BRSK1: variants seen among roughly 807,000 people sequenced by gnomAD.
The protein encoded by BRSK1 is serine/threonine-protein kinase BRSK1.
Under a neutral mutation model 86.2 loss-of-function variants are expected in BRSK1, and 17 were observed. The ratio of observed to expected loss-of-function variants is 0.20; its 90% CI spans 0.14 to 0.30. The LOEUF (loss-of-function observed/expected upper bound fraction) is 0.30, where lower values mean the gene tolerates loss of function less well. BRSK1 is among the 10% of genes least tolerant of loss of function. The probability of loss-of-function intolerance (pLI) is 1.00; values close to 1 mark genes in which losing one functional copy is unlikely to be tolerated. For missense variants in BRSK1, 719 were observed against 1,071.9 expected, an observed-to-expected ratio of 0.67 and a Z score of 4.60; for synonymous variants, 464 against 440.1, an observed-to-expected ratio of 1.05 and a Z score of -0.68.
At chr19:55,296,130 C>T (rs978765464) in intron 7 of BRSK1, among the ~76,000 whole-genome samples, 1 of 151,988 alleles carries the variant, frequency 6.6e-6, no homozygotes, top group Non-Finnish European at 1.5e-5. Flanking sequence ...CAGGAAGCTT[C>T]CCCTGCCCCC....
chr19:55,305,246 C>T, intron 14 of BRSK1, 75 bp from the exon 15 acceptor site: 2 of 1,563,256 alleles, frequency 1.3e-6, no homozygotes, highest in South Asian at 2.3e-5. Context: ...TGGGAGGGGG[C>T]GAGTGCAGGC....
chr19:55,296,776 AG>A (rs1600179780), intron 7 of BRSK1, among the ~76,000 whole-genome samples: 2 of 151,982 alleles, frequency 1.3e-5, no homozygotes, highest in Admixed American at 1.3e-4. Context: ...TGAACCCGGG[AG>A]GCGGAGCTTG....
At chr19:55,288,984 T>C (rs1360929681) in intron 3 of BRSK1, among the ~76,000 whole-genome samples, 8 of 152,184 alleles carry the variant, frequency 5.3e-5, no homozygotes, top group Admixed American at 1.3e-4. Flanking sequence ...TCGTTAATAC[T>C]CGAAAATGAA....
intron 4 of BRSK1, among the ~76,000 whole-genome samples, chr19:55,291,456 A>C (rs1265693295): frequency 6.6e-6 from 1 of 152,144 alleles, no homozygotes; most frequent in South Asian, 2.1e-4. Flanking sequence ...TGGTAGGAGG[A>C]TTGCTTGAGC....
In BRSK1 at chr19:55,284,521, C is replaced by CCCA; in HGVS notation, c.79_80insCCA (p.His27delinsProAsn). On this transcript the variant is annotated protein_altering_variant, in exon 1 of 19. Coordinates refer to ENST00000309383, the MANE Select transcript of BRSK1 (RefSeq NM_032430.2). ...CCACCCCCACCCCCACCCACCCCAG[C>CCCA]ACGCCCAATATGTGGGCCCCTATCG... is the stretch of plus-strand genomic sequence containing the variant. The CCCA allele has an allele frequency of 7.7e-7, 1 of 1,290,860 alleles. No individual in the cohort carries two copies. The highest frequency in any genetic ancestry group is 1.0e-6 in the Non-Finnish European group (1 of 993,588). 80.0% of individuals were successfully genotyped at this position (1,290,860 alleles called of 1,614,324 possible).
Position 55,303,813 on chromosome 19 carries a change from C to A in BRSK1, c.1273C>A (p.Gln425Lys), listed in dbSNP as rs1433148527. 2.4e-5 allele frequency: 38 copies of A among 1,579,480 alleles called. No individual in the cohort carries two copies. Among genetic ancestry groups the A allele is most frequent in the Non-Finnish European group, 3.2e-5 (37 of 1,162,962 alleles). ...CACCCGACGGGCCTTGGAGATGGCC[C>A]AGCACAGCCAGAGGTGGGAGCCCCT... ...VPTRRALEMA[Q>K]HSQRSRSVSG... The change falls in exon 12 of 19, where the codon CAG (glutamine) becomes AAG (lysine). Residue 425 changes from glutamine (Q) to lysine (K), a missense_variant. By Grantham distance (53) the Gln-to-Lys change is moderately conservative. Transcript: ENST00000309383. This position sits in a 1 kb window ranked among gnomAD's most constrained non-coding sequence, Gnocchi z 5.1.
In BRSK1 at chr19:55,294,457, GA is replaced by G; in HGVS notation, c.678+61del. The G allele has an allele frequency of 6.4e-7, 1 of 1,554,088 alleles. No individual in the cohort carries two copies. Among genetic ancestry groups the G allele is most frequent in the Non-Finnish European group, 8.8e-7 (1 of 1,134,456 alleles). The stretch of plus-strand genomic sequence containing the variant: ...TCAATCCCACCTGGTGGGAGCATAG[GA>G]CAGTACCTTCCATCCTCAGGTCATC... On this transcript the variant is annotated intron_variant, in intron 7 of 18. Coordinates refer to ENST00000309383, the MANE Select transcript of BRSK1 (RefSeq NM_032430.2). The surrounding 1 kb of genome is among the most constrained non-coding windows in gnomAD (Gnocchi z 4.9).
At position 55,304,955 on chromosome 19, in the gene BRSK1, G is replaced by A. The variant is rs1343191873; in HGVS notation, c.1717+35G>A. On this transcript the variant is annotated intron_variant, in intron 14 of 18. Coordinates refer to ENST00000309383, the MANE Select transcript of BRSK1 (RefSeq NM_032430.2). This position sits in a 1 kb window ranked among gnomAD's most constrained non-coding sequence, Gnocchi z 5.2. ...CATGAACTGCCGAGTCCTAATGTGG[G>A]GAGAGGTTGGGGCTAAAAATCTGGT... 1.2e-5 allele frequency: 19 copies of A among 1,597,590 alleles called. No individual in the cohort carries two copies. The highest frequency in any genetic ancestry group is 1.4e-5 in the Non-Finnish European group (17 of 1,178,306).
Position 55,302,474 on chromosome 19 carries a change from G to A in BRSK1, c.858-223G>A. On this transcript the variant is annotated intron_variant, in intron 9 of 18. Transcript: ENST00000309383. This position sits in a 1 kb window ranked among gnomAD's most constrained non-coding sequence, Gnocchi z 6.3. Reference sequence around the variant, plus strand: ...GGACTTCTGGGTCTGAAGAAGGAGGGGCCGGGGGCCTGGACCCCTCGGTCG... The same window carrying A: ...GGACTTCTGGGTCTGAAGAAGGAGGAGCCGGGGGCCTGGACCCCTCGGTCG... 2 of 637,542 alleles carry A rather than the reference G, an allele frequency of 3.1e-6. No individual in the cohort carries two copies. The highest frequency in any genetic ancestry group is 4.0e-5 in the South Asian group (2 of 49,608). The allele number at this position is 637,542 out of a possible 1,614,324, so 39.5% of individuals were successfully genotyped here. A position where few individuals can be genotyped will look rare whatever the true frequency, so the allele number is the denominator to read the frequency against.
chr19:55,287,686 C>A lies in BRSK1; in HGVS notation c.317+387C>A, dbSNP rs2088339234. ...CAAAGCCCAAAGGATCTTCCCAAAC[C>A]CCAACTCTGGAGCACTGGAGAGCCC... On this transcript the variant is annotated intron_variant, in intron 3 of 18. Transcript: ENST00000309383. This position sits in a 1 kb window ranked among gnomAD's most constrained non-coding sequence, Gnocchi z 5.3. Among the ~76,000 whole-genome samples, 1 of 152,230 alleles carries A rather than the reference C, an allele frequency of 6.6e-6. No homozygotes were observed. Among genetic ancestry groups the A allele is most frequent in the Non-Finnish European group, 1.5e-5 (1 of 68,028 alleles).
chr19:55,305,289 G>A, intron 14 of BRSK1, 32 bp from the exon 15 acceptor site: 1 of 1,613,158 alleles, frequency 6.2e-7, no homozygotes, highest in South Asian at 1.1e-5. Context: ...ATGCACAGGT[G>A]TTGACCACGT....
intron 17 of BRSK1, among the ~76,000 whole-genome samples, chr19:55,307,858 G>A (rs1208124100): frequency 1.3e-5 from 2 of 150,056 alleles, no homozygotes; most frequent in East Asian, 2.0e-4. Context: ...AGAGTCTGAC[G>A]TGGGAGGATC....
rs1408717553 is a variant in BRSK1, at chr19:55,312,255, CG to C, written c.*192del. 1 of 218,776 alleles carries C rather than the reference CG, an allele frequency of 4.6e-6. No homozygotes were observed. The highest frequency in any genetic ancestry group is 8.5e-6 in the Non-Finnish European group (1 of 117,492). 13.6% of individuals were successfully genotyped at this position (218,776 alleles called of 1,614,324 possible). A position where few individuals can be genotyped will look rare whatever the true frequency, so the allele number is the denominator to read the frequency against. On this transcript the variant is annotated 3_prime_UTR_variant, in exon 19 of 19. Coordinates refer to ENST00000309383, the MANE Select transcript of BRSK1 (RefSeq NM_032430.2). Reference sequence around the variant, plus strand: ...GGGGTGGTTCTAGGGGAACAGGGGGCGGGGGAGCTGTTTCTATTTTATTTAT... The same window carrying C: ...GGGGTGGTTCTAGGGGAACAGGGGGCGGGGAGCTGTTTCTATTTTATTTAT...
At position 55,304,488 on chromosome 19, in the gene BRSK1, G is replaced by T; in HGVS notation, c.1348-63G>T. 6.8e-7 allele frequency: 1 copy of T among 1,470,258 alleles called. No homozygotes were observed. Among genetic ancestry groups the T allele is most frequent in the Non-Finnish European group, 9.0e-7 (1 of 1,110,168 alleles). 91.1% of individuals were successfully genotyped at this position (1,470,258 alleles called of 1,614,324 possible). A position where few individuals can be genotyped will look rare whatever the true frequency, so the allele number is the denominator to read the frequency against. On this transcript the variant is annotated intron_variant, in intron 13 of 18. Coordinates refer to ENST00000309383, the MANE Select transcript of BRSK1 (RefSeq NM_032430.2). The surrounding 1 kb of genome is among the most constrained non-coding windows in gnomAD (Gnocchi z 5.2). ...CGTCCGTGAGTGTGCGTGTGAGTGG[G>T]GCTCCTAGAGCCTCCTGGGAGTTGT... is the stretch of plus-strand genomic sequence containing the variant.
Position 55,312,194 on chromosome 19 carries a change from C to T in BRSK1, c.*126C>T. 3 of 512,512 alleles carry T rather than the reference C, an allele frequency of 5.9e-6. No homozygotes were observed. The highest frequency in any genetic ancestry group is 7.6e-5 in the Admixed American group (2 of 26,218). 31.7% of individuals were successfully genotyped at this position (512,512 alleles called of 1,614,324 possible). ...GGTGGACACAAAAACCGGCCTTGCC[C>T]TGCAGGGATGGGGCTCCACAGGCCG... On this transcript the variant is annotated 3_prime_UTR_variant, in exon 19 of 19. Coordinates refer to ENST00000309383, the MANE Select transcript of BRSK1 (RefSeq NM_032430.2).
In BRSK1 at chr19:55,304,958, G is replaced by A; in HGVS notation, c.1717+38G>A. On this transcript the variant is annotated intron_variant, in intron 14 of 18. Coordinates refer to ENST00000309383, the MANE Select transcript of BRSK1 (RefSeq NM_032430.2). This position sits in a 1 kb window ranked among gnomAD's most constrained non-coding sequence, Gnocchi z 5.2. Reference sequence around the variant, plus strand: ...GAACTGCCGAGTCCTAATGTGGGGAGAGGTTGGGGCTAAAAATCTGGTTCC... The same window carrying A: ...GAACTGCCGAGTCCTAATGTGGGGAAAGGTTGGGGCTAAAAATCTGGTTCC... 1 of 1,597,472 alleles carries A rather than the reference G, an allele frequency of 6.3e-7. No homozygotes were observed. The highest frequency in any genetic ancestry group is 8.5e-7 in the Non-Finnish European group (1 of 1,178,246).
In BRSK1 at chr19:55,294,102, G is replaced by A. The variant is rs2088448986; in HGVS notation, c.544G>A (p.Val182Met). The A allele has an allele frequency of 1.2e-6, 2 of 1,613,766 alleles. No homozygotes were observed. Among genetic ancestry groups the A allele is most frequent in the Admixed American group, 1.7e-5 (1 of 59,986 alleles). ...AGACTTCGGCATGGCGTCCCTGCAGGTGGGGGACAGCCTCCTGGAGACCAG... is the reference window on the plus strand; with the variant it reads ...AGACTTCGGCATGGCGTCCCTGCAGATGGGGGACAGCCTCCTGGAGACCAG... Reference protein sequence around the residue: ...IADFGMASLQVGDSLLETSCG... With the variant: ...IADFGMASLQMGDSLLETSCG... Residue 182 changes from valine to methionine, a missense_variant, in exon 5 of 19, where the codon GTG becomes ATG. Coordinates refer to ENST00000309383, the MANE Select transcript of BRSK1 (RefSeq NM_032430.2). This position sits in a 1 kb window ranked among gnomAD's most constrained non-coding sequence, Gnocchi z 4.9.
Position 55,287,316 on chromosome 19 carries a change from A to T in BRSK1, c.317+17A>T. On this transcript the variant is annotated intron_variant, in intron 3 of 18. Transcript: ENST00000309383. The surrounding 1 kb of genome is among the most constrained non-coding windows in gnomAD (Gnocchi z 5.3). Reference sequence around the variant, plus strand: ...GAAATATTTGTAGGTATTTATAGACACCCAGCCCTACCCCATCCTCCCTCT... The same window carrying T: ...GAAATATTTGTAGGTATTTATAGACTCCCAGCCCTACCCCATCCTCCCTCT... The T allele has an allele frequency of 6.2e-7, 1 of 1,608,950 alleles. No individual in the cohort carries two copies. The highest frequency in any genetic ancestry group is 1.7e-5 in the Admixed American group (1 of 60,002).
intron 4 of BRSK1, among the ~76,000 whole-genome samples, chr19:55,290,708 C>T (rs564323501): frequency 6.6e-6 from 1 of 151,464 alleles, no homozygotes; most frequent in East Asian, 1.9e-4. Flanking sequence ...GTGGCGCGAT[C>T]TCGGCTCACT....
Sources: allele counts gnomAD v4.1 joint callset (sites outside exome capture counted in the v4.1 genomes callset), GRCh38; gene constraint gnomAD v4.1.1; non-coding constraint Gnocchi (gnomAD v3.1); transcripts MANE v1.5; gene names NCBI Gene and HGNC (gene_info 2026-07-23, HGNC 2026-07-21).